Variants in KCNIP4 observed in about 807,000 individuals in gnomAD.
KCNIP4 encodes Kv channel-interacting protein 4.
In KCNIP4, 12 loss-of-function variants were observed where a neutral mutation model predicts 34.0. The observed-to-expected ratio is 0.35, with a 90% CI of 0.23 to 0.57. KCNIP4 has a LOEUF of 0.57. Ranked by LOEUF, KCNIP4 falls within the 20% of genes least tolerant of loss-of-function variation. KCNIP4 has a pLI of 0.83. For synonymous variants in KCNIP4, 124 were observed against 102.2 expected, an observed-to-expected ratio of 1.21 and a Z score of -1.29; for missense variants, 238 against 311.7, an observed-to-expected ratio of 0.76 and a Z score of 1.78.
intron 3 of KCNIP4, among the ~76,000 whole-genome samples, chr4:20,848,229 A>G (rs1720604815): frequency 6.6e-6 from 1 of 152,112 alleles, no homozygotes; most frequent in African/African-American, 2.4e-5. Context: ...AATTTGTCTC[A>G]TGGGGCAGGG....
At chr4:20,983,766 T>C (rs1736320763) in intron 1 of KCNIP4, 3 of 1,470,204 alleles carry the variant, frequency 2.0e-6, no homozygotes, top group African/African-American at 1.4e-5. Context: ...CTGTATCTAC[T>C]TCTAAACCAG....
At chr4:20,732,127 G>A in intron 7 of KCNIP4, 59 bp from the exon 8 acceptor site, 2 of 1,149,822 alleles carry the variant, frequency 1.7e-6, no homozygotes, top group Non-Finnish European at 2.6e-6. Context: ...CCTCACACCT[G>A]GACCAAATGA....
intron 1 of KCNIP4, among the ~76,000 whole-genome samples, chr4:21,803,473 C>T (rs1177057248): frequency 6.6e-6 from 1 of 152,092 alleles, no homozygotes; most frequent in East Asian, 1.9e-4. Context: ...ACACCATTAC[C>T]TTCCCTAAAT....
At chr4:21,903,567 G>C (rs1382312989) in intron 1 of KCNIP4, among the ~76,000 whole-genome samples, 2 of 152,168 alleles carry the variant, frequency 1.3e-5, no homozygotes, top group East Asian at 3.9e-4. Context: ...TCAAATAGTG[G>C]CGTGAAAAGA....
At chr4:21,288,705 A>G (rs979205870) in intron 1 of KCNIP4, among the ~76,000 whole-genome samples, 1 of 152,210 alleles carries the variant, frequency 6.6e-6, no homozygotes, top group Non-Finnish European at 1.5e-5. Flanking sequence ...TTGCGTCAGA[A>G]TCAACACTCT....
chr4:21,714,766 G>A (rs1289082255), intron 1 of KCNIP4, among the ~76,000 whole-genome samples: 1 of 143,294 alleles, frequency 7.0e-6, no homozygotes, highest in Non-Finnish European at 1.5e-5. Context: ...TATAAAGAAT[G>A]TGTTAGTAAT....
intron 1 of KCNIP4, among the ~76,000 whole-genome samples, chr4:21,884,362 A>C (rs907573385): frequency 2.0e-5 from 3 of 152,046 alleles, no homozygotes; most frequent in African/African-American, 7.2e-5. Context: ...CAGGAGGAGC[A>C]CTTCCAGACA....
chr4:21,103,295 TATATATAACATATATAATATATA>T (rs1428770114), intron 1 of KCNIP4, among the ~76,000 whole-genome samples: 2 of 146,854 alleles, frequency 1.4e-5, no homozygotes, highest in African/African-American at 2.5e-5. Flanking sequence ...CATGACATTA[TATATATAACATATATAATATATA>T]ATATAAAATA....
intron 3 of KCNIP4, among the ~76,000 whole-genome samples, chr4:20,797,235 G>A (rs550362851): frequency 6.6e-6 from 1 of 152,152 alleles, no homozygotes; most frequent in Non-Finnish European, 1.5e-5. Context: ...CAGATATAAG[G>A]TCAGAAAATA....
At chr4:21,844,538 G>A (rs1484356828) in intron 1 of KCNIP4, 1 of 152,020 alleles carries the variant, frequency 6.6e-6, no homozygotes, top group East Asian at 1.9e-4. Flanking sequence ...GCAATTTCTA[G>A]ATTGCAGTAC....
At chr4:20,792,761 G>A (rs1223336905) in intron 3 of KCNIP4, among the ~76,000 whole-genome samples, 1 of 151,946 alleles carries the variant, frequency 6.6e-6, no homozygotes, top group Non-Finnish European at 1.5e-5. Flanking sequence ...CATATATGAA[G>A]CAAAATATGA....
intron 3 of KCNIP4, among the ~76,000 whole-genome samples, chr4:20,781,373 T>A (rs1319550943): frequency 6.6e-6 from 1 of 152,184 alleles, no homozygotes; most frequent in Non-Finnish European, 1.5e-5. Context: ...AGTTGCAAAG[T>A]AACAATTATA....
At chr4:20,905,564 T>C (rs576157013) in intron 1 of KCNIP4, among the ~76,000 whole-genome samples, 77 of 130,078 alleles carry the variant, frequency 5.9e-4, no homozygotes, top group African/African-American at 2.1e-3. Context: ...CAGGTTGGAG[T>C]GCACTGGTGC....
intron 1 of KCNIP4, among the ~76,000 whole-genome samples, chr4:21,539,116 G>C (rs1737467920): frequency 6.6e-6 from 1 of 152,122 alleles, no homozygotes; most frequent in Non-Finnish European, 1.5e-5. Flanking sequence ...TAAGTTTCCT[G>C]AGGCCTCTCC....
intron 3 of KCNIP4, among the ~76,000 whole-genome samples, chr4:20,797,206 A>G (rs1269606103): frequency 6.6e-6 from 1 of 152,222 alleles, no homozygotes; most frequent in Non-Finnish European, 1.5e-5. Flanking sequence ...TCTGCTATAG[A>G]AGCTATTTCA....
At chr4:21,078,505 A>G (rs149683056) in intron 1 of KCNIP4, among the ~76,000 whole-genome samples, 2,973 of 152,002 alleles carry the variant, frequency 0.02, 53 homozygotes, top group Non-Finnish European at 0.026. Flanking sequence ...GCCTCTTCTT[A>G]TAAGAGCACT....
At chr4:21,233,040 G>A (rs1173276407) in intron 1 of KCNIP4, among the ~76,000 whole-genome samples, 2 of 152,118 alleles carry the variant, frequency 1.3e-5, no homozygotes, top group Non-Finnish European at 2.9e-5. Flanking sequence ...TCCAGTGAGA[G>A]GGACAATATG....
intron 3 of KCNIP4, among the ~76,000 whole-genome samples, chr4:20,806,513 T>A (rs548936656): frequency 2.0e-4 from 31 of 152,090 alleles, no homozygotes; most frequent in South Asian, 1.7e-3. Flanking sequence ...TATTTTTTTT[T>A]AATTTATTTT....
intron 1 of KCNIP4, among the ~76,000 whole-genome samples, chr4:21,168,686 T>TCA (rs1475350842): frequency 9.2e-5 from 14 of 152,258 alleles, no homozygotes; most frequent in African/African-American, 3.4e-4. Flanking sequence ...CACTATATGC[T>TCA]CACACAGAAA....
Sources: allele counts gnomAD v4.1 joint callset (sites outside exome capture counted in the v4.1 genomes callset), GRCh38; gene constraint gnomAD v4.1.1; transcripts MANE v1.5; gene names NCBI Gene and HGNC (gene_info 2026-07-23, HGNC 2026-07-21).